HDAC4: variants seen among roughly 807,000 people sequenced by gnomAD.
The protein encoded by HDAC4 is histone deacetylase A.
HDAC4 carries 16 observed loss-of-function variants against 135.1 expected under a neutral mutation model. That is an observed-to-expected ratio of 0.12 (90% CI 0.08 to 0.18). HDAC4 has a LOEUF of 0.18. HDAC4 is among the 10% of genes least tolerant of loss of function. The pLI, the probability that HDAC4 is intolerant of heterozygous loss-of-function variation, is 1.00. For synonymous variants in HDAC4, 685 were observed against 653.4 expected (o/e 1.05, Z -0.74); for missense variants, 1,143 against 1,511.8 (o/e 0.76, Z 4.05).
chr2:239,230,104 C>G (rs372682338), intron 3 of HDAC4, among the ~76,000 whole-genome samples: 1 of 152,014 alleles, frequency 6.6e-6, no homozygotes, highest in Non-Finnish European at 1.5e-5. Flanking sequence ...GTCGTGAGAT[C>G]GCTGTTTTGA....
At chr2:239,082,280 C>G in intron 20 of HDAC4, 59 bp from the exon 21 acceptor site, 4 of 1,609,820 alleles carry the variant, frequency 2.5e-6, no homozygotes, top group Non-Finnish European at 3.4e-6. Flanking sequence ...GTGGCCTCCC[C>G]TGAGGGCCGT....
Position 239,309,477 on chromosome 2 carries a change from T to A in HDAC4, c.22+43201A>T, listed in dbSNP as rs777413012. ...CCCCGCCTTCTCAGCCACCTCTCAC[T>A]AACACTCAGCTCCACTCCTGCTTCC... On this transcript the variant is annotated intron_variant, in intron 2 of 26. Coordinates refer to ENST00000543185, the MANE Select transcript of HDAC4 (RefSeq NM_001378414.1). The surrounding 1 kb of genome is among the most constrained non-coding windows in gnomAD (Gnocchi z 4.2). Among the ~76,000 whole-genome samples, 2 of 152,204 alleles carry A rather than the reference T, an allele frequency of 1.3e-5. No homozygotes were observed. The highest frequency in any genetic ancestry group is 2.9e-5 in the Non-Finnish European group (2 of 68,040).
rs1283450185 is a variant in HDAC4 at position 239,307,958 on chromosome 2, C to T, written c.22+44720G>A. 6.6e-6 allele frequency among the ~76,000 whole-genome samples: 1 copy of T among 152,172 alleles called. No individual in the cohort carries two copies. Among genetic ancestry groups the T allele is most frequent in the African/African-American group, 2.4e-5 (1 of 41,440 alleles). On this transcript the variant is annotated intron_variant, in intron 2 of 26. Transcript: ENST00000543185. This position sits in a 1 kb window ranked among gnomAD's most constrained non-coding sequence, Gnocchi z 4.8. The stretch of plus-strand genomic sequence containing the variant: ...GGAACACAAGGCCCGGCAGCAACAG[C>T]CAGCAAAGTGTCCCCATCCCCCCCA...
intron 20 of HDAC4, among the ~76,000 whole-genome samples, chr2:239,083,562 A>G (rs1007992926): frequency 6.6e-6 from 1 of 152,266 alleles, no homozygotes; most frequent in Admixed American, 6.5e-5. Context: ...AAATATGTAT[A>G]TATCTGGCTT....
intron 11 of HDAC4, among the ~76,000 whole-genome samples, chr2:239,128,274 C>T (rs755226453): frequency 4.6e-5 from 7 of 151,008 alleles, no homozygotes; most frequent in Non-Finnish European, 7.4e-5. Flanking sequence ...AGGCTGGGCG[C>T]GGTGGTGGCT....
intron 15 of HDAC4, among the ~76,000 whole-genome samples, chr2:239,106,419 C>A (rs1426459805): frequency 2.0e-5 from 3 of 152,184 alleles, no homozygotes; most frequent in Non-Finnish European, 4.4e-5. Context: ...CCAGAAGGGG[C>A]AGCAGGACAG....
chr2:239,355,569 C>T (rs904811432), intron 1 of HDAC4, among the ~76,000 whole-genome samples: 11 of 152,224 alleles, frequency 7.2e-5, no homozygotes, highest in African/African-American at 2.7e-4. Flanking sequence ...AGGTATTCTT[C>T]TAGCCAAAGC....
intron 2 of HDAC4, among the ~76,000 whole-genome samples, chr2:239,339,899 G>C (rs538575085): frequency 9.9e-5 from 15 of 152,266 alleles, no homozygotes; most frequent in South Asian, 6.2e-4. Context: ...CAAGAACCAA[G>C]AAAGCCACAT....
intron 1 of HDAC4, among the ~76,000 whole-genome samples, chr2:239,392,163 T>C (rs1372474514): frequency 5.9e-5 from 9 of 152,234 alleles, no homozygotes; most frequent in Admixed American, 5.9e-4. Flanking sequence ...GTAACGGCTC[T>C]GCAGGTCAGC....
rs556844434 is a variant in HDAC4, at chr2:239,278,569, G to A, written c.23-41905C>T. ...GAGCAGCTGTAGTCCCAGCTACTCA[G>A]AAGGCCGCAGCAGGATCGCCTGAGC... On this transcript the variant is annotated intron_variant, in intron 2 of 26. Transcript: ENST00000543185. 8.5e-5 allele frequency among the ~76,000 whole-genome samples: 13 copies of A among 152,344 alleles called. No individual in the cohort carries two copies. In the South Asian group the frequency reaches 2.7e-3, roughly 32 times the overall value.
intron 2 of HDAC4, among the ~76,000 whole-genome samples, chr2:239,311,853 C>T (rs1442754934): frequency 6.6e-6 from 1 of 152,142 alleles, no homozygotes; most frequent in Non-Finnish European, 1.5e-5. Flanking sequence ...CCAGCAGGGT[C>T]CTTGACCTAA....
intron 17 of HDAC4, among the ~76,000 whole-genome samples, chr2:239,090,413 G>A (rs956968152): frequency 6.7e-6 from 1 of 148,196 alleles, no homozygotes; most frequent in Non-Finnish European, 1.5e-5. Flanking sequence ...AAGTAATGAT[G>A]TCAAGGTGAT....
chr2:239,241,875 A>C (rs957406205), intron 2 of HDAC4, among the ~76,000 whole-genome samples: 2 of 152,120 alleles, frequency 1.3e-5, no homozygotes, highest in African/African-American at 4.8e-5. Context: ...CTGTTGGCCA[A>C]CTTGTTTTTG....
At position 239,309,837 on chromosome 2, in the gene HDAC4, G is replaced by A. The variant is rs116240024; in HGVS notation, c.22+42841C>T. Among the ~76,000 whole-genome samples, 2,987 of 152,308 alleles carry A rather than the reference G, an allele frequency of 0.02. 95 individuals carry two copies. Among genetic ancestry groups the A allele is most frequent in the African/African-American group, 0.068 (2,812 of 41,554 alleles). On this transcript the variant is annotated intron_variant, in intron 2 of 26. Transcript: ENST00000543185. This position sits in a 1 kb window ranked among gnomAD's most constrained non-coding sequence, Gnocchi z 4.2. ...ACACACTCAGACCATGGATGTGGCCGTGCCAGCAGGGAGGCCAGCAGCCCC... is the reference window on the plus strand; with the variant it reads ...ACACACTCAGACCATGGATGTGGCCATGCCAGCAGGGAGGCCAGCAGCCCC...
At chr2:239,275,570 C>T (rs1293866327) in intron 2 of HDAC4, among the ~76,000 whole-genome samples, 3 of 152,160 alleles carry the variant, frequency 2.0e-5, no homozygotes, top group Non-Finnish European at 4.4e-5. Flanking sequence ...AGGGCCGCCA[C>T]GAGGGGGACA....
intron 9 of HDAC4, among the ~76,000 whole-genome samples, chr2:239,136,753 C>T (rs2040984583): frequency 6.6e-6 from 1 of 152,192 alleles, no homozygotes; most frequent in African/African-American, 2.4e-5. Flanking sequence ...TCCCCAAAGA[C>T]ATATGACTGG....
intron 2 of HDAC4, among the ~76,000 whole-genome samples, chr2:239,284,175 C>A (rs1408645765): frequency 1.3e-5 from 2 of 152,242 alleles, no homozygotes; most frequent in Non-Finnish European, 2.9e-5. Flanking sequence ...CAAGTGGTGT[C>A]TGAAGCAGGA....
rs559822427 is a variant in HDAC4, at chr2:239,167,251, G to A, written c.491-3328C>T. ...ACTGTGGATCCACTGGCCCTCCACG[G>A]GGGAGGGTGCGCACTCCAGGAACAG... On this transcript the variant is annotated intron_variant, in intron 5 of 26. Transcript: ENST00000543185. This position sits in a 1 kb window ranked among gnomAD's most constrained non-coding sequence, Gnocchi z 4.1. Among the ~76,000 whole-genome samples the A allele has an allele frequency of 3.3e-5, 5 of 152,168 alleles. No individual in the cohort carries two copies. The highest frequency in any genetic ancestry group is 7.4e-5 in the Non-Finnish European group (5 of 68,020).
chr2:239,349,968 C>T lies in HDAC4; in HGVS notation c.22+2710G>A, dbSNP rs1001647601. Among the ~76,000 whole-genome samples the T allele has an allele frequency of 2.6e-5, 4 of 152,186 alleles. No homozygotes were observed. The highest frequency in any genetic ancestry group is 2.6e-4 in the Admixed American group (4 of 15,278). On this transcript the variant is annotated intron_variant, in intron 2 of 26. Transcript: ENST00000543185. The surrounding 1 kb of genome is among the most constrained non-coding windows in gnomAD (Gnocchi z 5.7). ...AATAAGGCGCACACAACCCAACTCA[C>T]ATGGGCAGGACAGGCCCGGGCAGGC...
Sources: allele counts gnomAD v4.1 joint callset (sites outside exome capture counted in the v4.1 genomes callset), GRCh38; gene constraint gnomAD v4.1.1; non-coding constraint Gnocchi (gnomAD v3.1); transcripts MANE v1.5; gene names NCBI Gene and HGNC (gene_info 2026-07-23, HGNC 2026-07-21).